The following SNAP29 variants were observed in gnomAD, a reference collection of about 807,000 sequenced individuals.
The protein encoded by SNAP29 is synaptosome associated protein 29, also known as synaptosomal-associated protein 29.
Under a neutral mutation model 27.9 loss-of-function variants are expected in SNAP29, and 13 were observed. The ratio of observed to expected loss-of-function variants is 0.47; its 90% CI spans 0.30 to 0.74. The LOEUF is 0.74. Among genes scored for constraint, SNAP29 ranks in the 30% least tolerant of loss-of-function variants. The pLI is 0.06. For missense variants in SNAP29, 368 were observed against 336.5 expected, an observed-to-expected ratio of 1.09 and a Z score of -0.73; for synonymous variants, 119 against 127.1, an observed-to-expected ratio of 0.94 and a Z score of 0.43.
chr22:20,860,149 G>A (rs1343562222), intron 1 of SNAP29, among the ~76,000 whole-genome samples: 1 of 150,876 alleles, frequency 6.6e-6, no homozygotes, highest in Non-Finnish European at 1.5e-5. Flanking sequence ...TCAGGAGTTC[G>A]AGACCCGCCT....
Position 20,888,376 on chromosome 22 carries a change from T to A in SNAP29, c.*540T>A, listed in dbSNP as rs1929075683. 1 of 191,632 alleles carries A rather than the reference T, an allele frequency of 5.2e-6. No individual in the cohort carries two copies. The highest frequency in any genetic ancestry group is 2.6e-5 in the African/African-American group (1 of 38,092). The allele number at this position is 191,632 out of a possible 1,614,324, so 11.9% of individuals were successfully genotyped here. A position where few individuals can be genotyped will look rare whatever the true frequency, so the allele number is the denominator to read the frequency against. Reference sequence around the variant, plus strand: ...ACACACTCTCTGAGCACATTATCTGTGATTCTTTCATCCTCCCAGAAAGGA... The same window carrying A: ...ACACACTCTCTGAGCACATTATCTGAGATTCTTTCATCCTCCCAGAAAGGA... On this transcript the variant is annotated 3_prime_UTR_variant, in exon 5 of 5. Coordinates refer to ENST00000215730, the MANE Select transcript of SNAP29 (RefSeq NM_004782.4).
At position 20,859,305 on chromosome 22, in the gene SNAP29, C is replaced by G; in HGVS notation, c.195C>G (p.Ala65=). 6.2e-7 allele frequency: 1 copy of G among 1,613,150 alleles called. No homozygotes were observed. The highest frequency in any genetic ancestry group is 2.2e-5 in the East Asian group (1 of 44,860). The change falls in exon 1 of 5, where the codon GCC becomes GCG. Residue 65 remains alanine, a synonymous_variant. Coordinates refer to ENST00000215730, the MANE Select transcript of SNAP29 (RefSeq NM_004782.4). ...CCGCCAGCACCAGCAGGTCCCTGGC[C>G]CTCATGTACGAGTCCGAGAAGGTTG... ...ATAASTSRSL[A]LMYESEKVGV...
chr22:20,874,237 T>C (rs1928672219), intron 2 of SNAP29, among the ~76,000 whole-genome samples: 1 of 143,438 alleles, frequency 7.0e-6, no homozygotes, highest in African/African-American at 2.5e-5. Flanking sequence ...ATCACGCCAC[T>C]GCAACAGTGA....
intron 1 of SNAP29, among the ~76,000 whole-genome samples, chr22:20,868,227 A>G (rs1928505818): frequency 6.6e-6 from 1 of 152,232 alleles, no homozygotes; most frequent in African/African-American, 2.4e-5. Flanking sequence ...TAGCCCTTGC[A>G]AGATTTGCTT....
intron 4 of SNAP29, among the ~76,000 whole-genome samples, chr22:20,887,233 A>C (rs903301234): frequency 1.3e-5 from 2 of 151,886 alleles, no homozygotes; most frequent in Non-Finnish European, 2.9e-5. Flanking sequence ...TCAAAAAAAA[A>C]AAAAACAAAA....
intron 1 of SNAP29, among the ~76,000 whole-genome samples, chr22:20,865,384 C>T (rs1601645290): frequency 6.6e-6 from 1 of 152,088 alleles, no homozygotes; most frequent in East Asian, 1.9e-4. Context: ...ACCATTGATC[C>T]CAGGCCAATT....
chr22:20,878,002 T>C lies in SNAP29; in HGVS notation c.435-3047T>C, dbSNP rs188572000. On this transcript the variant is annotated intron_variant, in intron 2 of 4. Coordinates refer to ENST00000215730, the MANE Select transcript of SNAP29 (RefSeq NM_004782.4). ...GCTTCCGTGGGGTGAAATCCTGGAG[T>C]GTTAAATCCTTCCATTCACCAGGCT... Among the ~76,000 whole-genome samples, 27 of 152,166 alleles carry C rather than the reference T, an allele frequency of 1.8e-4. No homozygotes were observed. The East Asian group carries it at 3.5e-3, about 20-fold the overall frequency.
intron 1 of SNAP29, among the ~76,000 whole-genome samples, chr22:20,861,344 C>T (rs1173894289): frequency 1.3e-5 from 2 of 152,056 alleles, no homozygotes; most frequent in East Asian, 3.9e-4. Flanking sequence ...GATCTCTTGA[C>T]CTCGTGATCC....
chr22:20,876,668 C>T lies in SNAP29; in HGVS notation c.435-4381C>T, dbSNP rs1569118739. On this transcript the variant is annotated intron_variant, in intron 2 of 4. Coordinates refer to ENST00000215730, the MANE Select transcript of SNAP29 (RefSeq NM_004782.4). ...CTGCAAGCTCCGTCTCCCACGTTCA[C>T]GCCATTCTCCTGCCTCAGCTTCCCA... 2.0e-5 allele frequency among the ~76,000 whole-genome samples: 3 copies of T among 151,000 alleles called. No homozygotes were observed. In the Admixed American group the frequency reaches 2.0e-4, roughly 10 times the overall value.
At chr22:20,881,172 C>T (rs1412146041) in intron 3 of SNAP29, 38 bp downstream of exon 3, 1 of 1,394,412 alleles carries the variant, frequency 7.2e-7, no homozygotes, top group Non-Finnish European at 1.0e-6. Context: ...CATTTGAATT[C>T]TGGGGGGAGA....
rs1286072196 is a variant in SNAP29, at chr22:20,889,278, C to A, written c.*1442C>A. 6.6e-6 allele frequency: 1 copy of A among 152,162 alleles called. No homozygotes were observed. Among genetic ancestry groups the A allele is most frequent in the African/African-American group, 2.4e-5 (1 of 41,436 alleles). The allele number at this position is 152,162 out of a possible 1,614,324, so 9.4% of individuals were successfully genotyped here. ...GCAAAGGAAACCTCCACAAGTGCTG[C>A]AACAGTGCATTAGTTTTTATGTAGC... On this transcript the variant is annotated 3_prime_UTR_variant, in exon 5 of 5. Transcript: ENST00000215730.
chr22:20,867,160 T>G (rs897530127), intron 1 of SNAP29, among the ~76,000 whole-genome samples: 5 of 152,014 alleles, frequency 3.3e-5, no homozygotes, highest in Non-Finnish European at 7.4e-5. Context: ...TTCAAGGGAG[T>G]AAGAAGGGCA....
Position 20,883,585 on chromosome 22 carries a change from A to G in SNAP29, c.619+16A>G. The G allele has an allele frequency of 6.5e-7, 1 of 1,539,126 alleles. No individual in the cohort carries two copies. Among genetic ancestry groups the G allele is most frequent in the Non-Finnish European group, 9.0e-7 (1 of 1,111,984 alleles). On this transcript the variant is annotated intron_variant, in intron 4 of 4. Coordinates refer to ENST00000215730, the MANE Select transcript of SNAP29 (RefSeq NM_004782.4). The stretch of plus-strand genomic sequence containing the variant: ...AGCAACCTAGGTAAGACTGAGCACC[A>G]CACCAGCTTCTGTAAGCCACTGTCC...
At position 20,870,514 on chromosome 22, in the gene SNAP29, ACCT is replaced by A; in HGVS notation, c.418_420del (p.Ser140del). The A allele has an allele frequency of 1.2e-6, 2 of 1,613,848 alleles. No individual in the cohort carries two copies. The highest frequency in any genetic ancestry group is 1.7e-6 in the Non-Finnish European group (2 of 1,179,938). ...CCCACCTGAACAGAATGGCACCCTC[ACCT>A]CCCAGCCCAACAACAGGTGAGTGCA... On this transcript the variant is annotated inframe_deletion, in exon 2 of 5. Coordinates refer to ENST00000215730, the MANE Select transcript of SNAP29 (RefSeq NM_004782.4).
At chr22:20,873,503 C>CT (rs1451445082) in intron 2 of SNAP29, among the ~76,000 whole-genome samples, 1 of 152,060 alleles carries the variant, frequency 6.6e-6, no homozygotes, top group African/African-American at 2.4e-5. Context: ...GTGTAGGTAA[C>CT]AAAGCTGGTG....
rs983922247 is a variant in SNAP29, at chr22:20,859,052, A to T, written c.-59A>T. On this transcript the variant is annotated 5_prime_UTR_variant, in exon 1 of 5. Transcript: ENST00000215730. ...GTCGGCGGGCGGGGCGAGGCCCTGG[A>T]CGGCGGCGGCAGTGGGGCTCCTCCT... is the stretch of plus-strand genomic sequence containing the variant. 9 of 1,455,928 alleles carry T rather than the reference A, an allele frequency of 6.2e-6. No homozygotes were observed. The highest frequency in any genetic ancestry group is 6.7e-6 in the Non-Finnish European group (7 of 1,052,608). The allele number at this position is 1,455,928 out of a possible 1,614,324, so 90.2% of individuals were successfully genotyped here. A position where few individuals can be genotyped will look rare whatever the true frequency, so the allele number is the denominator to read the frequency against.
rs377527110 is a variant in SNAP29 at position 20,859,193 on chromosome 22, C to T, written c.83C>T (p.Ala28Val). Residue 28 changes from alanine (A) to valine (V), a missense_variant, in exon 1 of 5, where the codon GCC becomes GTC. By Grantham distance (64) the Ala-to-Val change is moderately conservative (BLOSUM62 0). Transcript: ENST00000215730. ...EGARPAPWRD[A>V]RDLPDGPDAP... ...GCCCGGCCGGCCCCTTGGAGGGACGCCCGAGACCTCCCCGACGGGCCCGAC... is the reference window on the plus strand; with the variant it reads ...GCCCGGCCGGCCCCTTGGAGGGACGTCCGAGACCTCCCCGACGGGCCCGAC... 1.2e-5 allele frequency: 20 copies of T among 1,602,056 alleles called. No individual in the cohort carries two copies. Among genetic ancestry groups the T allele is most frequent in the Middle Eastern group, 1.7e-4 (1 of 6,040 alleles).
intron 1 of SNAP29, among the ~76,000 whole-genome samples, chr22:20,860,406 G>A (rs1320932435): frequency 7.0e-6 from 1 of 142,944 alleles, no homozygotes; most frequent in Non-Finnish European, 1.5e-5. Flanking sequence ...ATCTCGCTCT[G>A]TCGCCCTTGC....
At position 20,859,361 on chromosome 22, in the gene SNAP29, A is replaced by G. The variant is rs1209373597; in HGVS notation, c.237+14A>G. On this transcript the variant is annotated intron_variant, in intron 1 of 4. Coordinates refer to ENST00000215730, the MANE Select transcript of SNAP29 (RefSeq NM_004782.4). ...GCCTCTTCCGAGGTGAGCCTGGGGC[A>G]GGGCTGGTGTGGACTCGCCGGTCTC... is the stretch of plus-strand genomic sequence containing the variant. The G allele has an allele frequency of 8.9e-6, 14 of 1,569,536 alleles. No homozygotes were observed. Among genetic ancestry groups the G allele is most frequent in the Non-Finnish European group, 1.2e-5 (14 of 1,139,350 alleles).
Sources: gnomAD v4.1 joint callset for allele counts (sites outside exome capture counted in the v4.1 genomes callset) on GRCh38, gnomAD v4.1.1 for gene constraint, MANE v1.5 for transcripts, NCBI Gene and HGNC (gene_info 2026-07-23, HGNC 2026-07-21) for gene names.